The following EYA2 variants were observed in gnomAD, a reference collection of about 807,000 sequenced individuals.
EYA2 encodes the protein protein phosphatase EYA2.
EYA2 carries 31 observed loss-of-function variants against 69.2 expected under a neutral mutation model. That is an observed-to-expected ratio of 0.45 (90% confidence interval 0.34 to 0.60). The LOEUF (loss-of-function observed/expected upper bound fraction) is 0.60. Ranked by LOEUF, EYA2 falls within the 20% of genes least tolerant of loss-of-function variation. The pLI, the probability that EYA2 is intolerant of heterozygous loss-of-function variation, is 0.02. For synonymous variants in EYA2, 257 were observed against 279.4 expected (o/e 0.92, Z 0.80); for missense variants, 622 against 701.2 (o/e 0.89, Z 1.28).
intron 3 of EYA2, among the ~76,000 whole-genome samples, chr20:47,004,034 T>C (rs1982538261): frequency 6.6e-6 from 1 of 152,338 alleles, no homozygotes; most frequent in African/African-American, 2.4e-5. Context: ...GCAGCACCCA[T>C]AGTATAAATA....
intron 5 of EYA2, among the ~76,000 whole-genome samples, chr20:47,047,870 A>G (rs1424436403): frequency 6.6e-6 from 1 of 150,670 alleles, no homozygotes; most frequent in Non-Finnish European, 1.5e-5. Context: ...GGGAGGATTC[A>G]TTTTCCCTGC....
chr20:46,950,221 G>C (rs1420066263), intron 1 of EYA2, among the ~76,000 whole-genome samples: 4 of 152,192 alleles, frequency 2.6e-5, no homozygotes, highest in Non-Finnish European at 4.4e-5. Context: ...CACTTTCCTA[G>C]AGTCTGGGAG....
chr20:47,019,159 G>T (rs1983597150), intron 5 of EYA2, among the ~76,000 whole-genome samples: 1 of 152,210 alleles, frequency 6.6e-6, no homozygotes, highest in South Asian at 2.1e-4. Flanking sequence ...TCTAGAAGGT[G>T]ATTCTCAGGG....
chr20:46,951,578 GC>G (rs1171413749), intron 1 of EYA2, among the ~76,000 whole-genome samples: 14 of 152,288 alleles, frequency 9.2e-5, no homozygotes, highest in South Asian at 2.1e-4. Context: ...GCCCTGAAGG[GC>G]AACCGGGCTA....
intron 1 of EYA2, among the ~76,000 whole-genome samples, chr20:46,919,764 T>A (rs1985095463): frequency 6.6e-6 from 1 of 152,270 alleles, no homozygotes; most frequent in Non-Finnish European, 1.5e-5. Flanking sequence ...GCTAAACATT[T>A]GTTGCAAGAG....
chr20:46,899,526 C>T (rs1248514845), intron 1 of EYA2, among the ~76,000 whole-genome samples: 3 of 152,132 alleles, frequency 2.0e-5, no homozygotes, highest in East Asian at 3.8e-4. Flanking sequence ...ATAAATTTAC[C>T]GGCAGTGGAG....
intron 9 of EYA2, among the ~76,000 whole-genome samples, chr20:47,140,434 C>T (rs1049554421): frequency 3.9e-5 from 6 of 151,948 alleles, no homozygotes; most frequent in African/African-American, 1.4e-4. Flanking sequence ...GCATTTTTTT[C>T]TTTCTTTTTT....
intron 5 of EYA2, among the ~76,000 whole-genome samples, chr20:47,018,264 C>A (rs6124918): frequency 6.6e-6 from 1 of 152,282 alleles, no homozygotes; most frequent in South Asian, 2.1e-4. Flanking sequence ...CTCAGCCACA[C>A]AATAAGTGAT....
At chr20:47,089,774 G>A (rs1600701268) in intron 8 of EYA2, among the ~76,000 whole-genome samples, 1 of 152,286 alleles carries the variant, frequency 6.6e-6, no homozygotes, top group South Asian at 2.1e-4. Flanking sequence ...AAAAGAATGG[G>A]CCTCCGACCT....
At chr20:47,011,889 G>C (rs1056468326) in intron 4 of EYA2, among the ~76,000 whole-genome samples, 5 of 152,208 alleles carry the variant, frequency 3.3e-5, no homozygotes, top group African/African-American at 1.2e-4. Context: ...AGGTTCATAA[G>C]ATAGCAGGGA....
Position 46,964,274 on chromosome 20 carries a change from G to T in EYA2, c.-10-25727G>T, listed in dbSNP as rs542073904. 7.7e-4 allele frequency among the ~76,000 whole-genome samples: 117 copies of T among 152,324 alleles called. 1 individual carries two copies. The highest frequency in any genetic ancestry group is 2.1e-3 in the South Asian group (10 of 4,824). ...GGGGAGCAATTAAAGAGGTTTTAGT[G>T]GGGGGCATGACAAGGTCAGATGTAT... On this transcript the variant is annotated intron_variant, in intron 1 of 15. Transcript: ENST00000327619.
rs1568707249 is a variant in EYA2, at chr20:46,987,999, G to GATATATATAT, written c.-10-2002_-10-2001insATATATATAT. Reference sequence around the variant, plus strand: ...ATATATATATATATATATATATATGGGGCAAAAAAAAAATACAGAATAAAA... The same window carrying GATATATATAT: ...ATATATATATATATATATATATATGGATATATATATGGCAAAAAAAAAATACAGAATAAAA... On this transcript the variant is annotated intron_variant, in intron 1 of 15. Transcript: ENST00000327619. 3.3e-3 allele frequency among the ~76,000 whole-genome samples: 122 copies of GATATATATAT among 37,092 alleles called. 6 individuals carry two copies. Among genetic ancestry groups the GATATATATAT allele is most frequent in the African/African-American group, 3.8e-3 (32 of 8,400 alleles). The allele number at this position is 37,092 out of a possible 152,430, so 24.3% of individuals were successfully genotyped here. A position where few individuals can be genotyped will look rare whatever the true frequency, so the allele number is the denominator to read the frequency against.
At chr20:47,132,248 C>T (rs915564473) in intron 9 of EYA2, among the ~76,000 whole-genome samples, 2 of 152,048 alleles carry the variant, frequency 1.3e-5, no homozygotes, top group Non-Finnish European at 2.9e-5. Context: ...ATGCCCCCAG[C>T]GAGGTGTTTT....
intron 15 of EYA2, among the ~76,000 whole-genome samples, chr20:47,184,085 A>G (rs7260804): frequency 0.083 from 12,697 of 152,186 alleles, 1,594 homozygotes; most frequent in African/African-American, 0.27. Context: ...GTCCTGGGAG[A>G]GGGCCCCGGG....
chr20:47,100,109 G>A (rs544652233), intron 9 of EYA2, among the ~76,000 whole-genome samples: 4 of 152,298 alleles, frequency 2.6e-5, no homozygotes, highest in South Asian at 4.1e-4. Context: ...GTAAATATTT[G>A]TTAAATGAAG....
intron 8 of EYA2, among the ~76,000 whole-genome samples, chr20:47,092,264 C>T (rs992459336): frequency 6.6e-6 from 1 of 152,118 alleles, no homozygotes; most frequent in Non-Finnish European, 1.5e-5. Flanking sequence ...TTGATCCATG[C>T]TAGAGACCTG....
Position 47,172,800 on chromosome 20 carries a change from G to A in EYA2, c.1131G>A (p.Met377Ile), listed in dbSNP as rs2034349727. The A allele has an allele frequency of 6.2e-7, 1 of 1,614,162 alleles. No homozygotes were observed. The highest frequency in any genetic ancestry group is 8.5e-7 in the Non-Finnish European group (1 of 1,180,022). ...GSGVHGGVDW[M>I]RKLAFRYRRV... ...GCGTGCACGGCGGCGTGGACTGGAT[G>A]AGGAAGCTGGCCTTCCGCTACCGGC... The change falls in exon 12 of 16, where the codon ATG becomes ATA. Residue 377 changes from methionine to isoleucine, a missense_variant. Transcript: ENST00000327619.
Position 47,076,910 on chromosome 20 carries a change from C to T in EYA2, c.661+2575C>T, listed in dbSNP as rs75969088. Among the ~76,000 whole-genome samples the T allele has an allele frequency of 8.1e-3, 1,234 of 152,280 alleles. 16 individuals carry two copies. The highest frequency in any genetic ancestry group is 0.029 in the African/African-American group (1,185 of 41,556). On this transcript the variant is annotated intron_variant, in intron 7 of 15. Coordinates refer to ENST00000327619, the MANE Select transcript of EYA2 (RefSeq NM_005244.5). Reference sequence around the variant, plus strand: ...ACATAGTTCCTCCTTCTTAGCCATTCCTGCAAAAGTCCCAAGTAAAGCTCC... The same window carrying T: ...ACATAGTTCCTCCTTCTTAGCCATTTCTGCAAAAGTCCCAAGTAAAGCTCC...
intron 5 of EYA2, among the ~76,000 whole-genome samples, chr20:47,052,076 T>C (rs1476239098): frequency 6.6e-6 from 1 of 152,176 alleles, no homozygotes; most frequent in Non-Finnish European, 1.5e-5. Context: ...AAATTATTTC[T>C]TGAGAGCCTA....
Sources: allele counts gnomAD v4.1 joint callset (sites outside exome capture counted in the v4.1 genomes callset), GRCh38; gene constraint gnomAD v4.1.1; transcripts MANE v1.5; gene names NCBI Gene and HGNC (gene_info 2026-07-23, HGNC 2026-07-21).